CELF2: variants seen among roughly 807,000 people sequenced by gnomAD.
The protein encoded by CELF2 is CUGBP Elav-like family member 2.
Under a neutral mutation model 62.6 loss-of-function variants are expected in CELF2, and 8 were observed. The ratio of observed to expected loss-of-function variants is 0.13; its 90% CI spans 0.07 to 0.23. The LOEUF (loss-of-function observed/expected upper bound fraction) is 0.23. CELF2 is among the 10% of genes least tolerant of loss of function. The pLI is 1.00. For missense variants in CELF2, 333 were observed against 671.0 expected, an observed-to-expected ratio of 0.50 and a Z score of 5.56; for synonymous variants, 258 against 250.0, an observed-to-expected ratio of 1.03 and a Z score of -0.30.
intron 1 of CELF2, among the ~76,000 whole-genome samples, chr10:11,080,026 A>G (rs570088036): frequency 5.3e-4 from 80 of 152,374 alleles, no homozygotes; most frequent in African/African-American, 1.8e-3. Context: ...TCTCCGGTTT[A>G]TAAATGTTTT....
chr10:10,861,744 T>G (rs964358753), intron 1 of CELF2, among the ~76,000 whole-genome samples: 1 of 152,220 alleles, frequency 6.6e-6, no homozygotes, highest in Non-Finnish European at 1.5e-5. Context: ...AGTTTATCTC[T>G]TGAAAATTCT....
intron 1 of CELF2, among the ~76,000 whole-genome samples, chr10:11,162,040 GATGA>G: frequency 6.6e-6 from 1 of 152,188 alleles, no homozygotes; most frequent in African/African-American, 2.4e-5. Flanking sequence ...CATTTGGGTG[GATGA>G]GAAGGGAGTA....
rs140988272 is a variant in CELF2, at chr10:11,148,444, T to C, written c.75-17042T>C. 1.4e-3 allele frequency among the ~76,000 whole-genome samples: 213 copies of C among 152,298 alleles called. 1 individual carries two copies. Among genetic ancestry groups the C allele is most frequent in the African/African-American group, 5.0e-3 (207 of 41,564 alleles). The stretch of plus-strand genomic sequence containing the variant: ...GCTTTTTTCTCCTATCTTTAACCAA[T>C]AGAAATACAGGGCTGTAAATAATTG... On this transcript the variant is annotated intron_variant, in intron 1 of 12. Coordinates refer to ENST00000633077, the MANE Select transcript of CELF2 (RefSeq NM_001326342.2).
chr10:10,634,852 G>A, the CELF2 span, among the ~76,000 whole-genome samples: 8 of 152,000 alleles, frequency 5.3e-5, no homozygotes, highest in African/African-American at 1.9e-4. Context: ...TAGTAGAGAC[G>A]GGGTTTCCCC....
chr10:10,518,962 GA>G, the CELF2 span, among the ~76,000 whole-genome samples: 2 of 152,176 alleles, frequency 1.3e-5, no homozygotes, highest in African/African-American at 4.8e-5. Context: ...AAAGAATCAG[GA>G]AGGGAATGAA....
chr10:10,571,859 G>A, the CELF2 span, among the ~76,000 whole-genome samples: 1 of 152,122 alleles, frequency 6.6e-6, no homozygotes, highest in Admixed American at 6.5e-5. Flanking sequence ...TGAGATGAGC[G>A]TAGGAATGAG....
chr10:11,021,000 G>A (rs939807579), intron 1 of CELF2, among the ~76,000 whole-genome samples: 1 of 152,160 alleles, frequency 6.6e-6, no homozygotes, highest in African/African-American at 2.4e-5. Context: ...TAGCCACACA[G>A]CATAATGAAA....
the CELF2 span, among the ~76,000 whole-genome samples, chr10:10,533,808 G>A: frequency 5.3e-5 from 8 of 152,188 alleles, 1 homozygote; most frequent in African/African-American, 1.9e-4. Flanking sequence ...AAGATTGACG[G>A]CAAGTAGTAG....
At chr10:11,026,130 A>G (rs1464233090) in intron 1 of CELF2, among the ~76,000 whole-genome samples, 3 of 152,226 alleles carry the variant, frequency 2.0e-5, no homozygotes, top group Non-Finnish European at 4.4e-5. Flanking sequence ...CTTGTTATGC[A>G]GACACATACG....
the CELF2 span, among the ~76,000 whole-genome samples, chr10:10,523,895 C>T: frequency 6.6e-6 from 1 of 152,166 alleles, no homozygotes; most frequent in Admixed American, 6.5e-5. Context: ...TCACTCAAAA[C>T]AACGAGAGCA....
chr10:10,554,050 T>G, the CELF2 span, among the ~76,000 whole-genome samples: 5 of 152,104 alleles, frequency 3.3e-5, no homozygotes, highest in African/African-American at 1.2e-4. Context: ...GATGGAAAAC[T>G]GGGAGCCATT....
At chr10:10,741,130 T>C in the CELF2 span, among the ~76,000 whole-genome samples, 1 of 152,236 alleles carries the variant, frequency 6.6e-6, no homozygotes, top group Non-Finnish European at 1.5e-5. Flanking sequence ...GATATGTTCA[T>C]TTGTTTACCT....
Position 10,931,399 on chromosome 10 carries a change from G to A in CELF2, c.89+11400G>A, listed in dbSNP as rs2066044392. Among the ~76,000 whole-genome samples, 1 of 152,090 alleles carries A rather than the reference G, an allele frequency of 6.6e-6. No homozygotes were observed. The highest frequency in any genetic ancestry group is 1.5e-5 in the Non-Finnish European group (1 of 68,024). On this transcript the variant is annotated intron_variant, in intron 2 of 13. Coordinates refer to the CELF2 transcript ENST00000636488. The surrounding 1 kb of genome is among the most constrained non-coding windows in gnomAD (Gnocchi z 6.1). ...GTGTAACTTTAAGGAATAATGCCAA[G>A]CTCCATAAAGGATTCTAAAGAGAAA...
intron 3 of CELF2, among the ~76,000 whole-genome samples, chr10:11,225,637 C>A (rs2066274391): frequency 6.6e-6 from 1 of 152,164 alleles, no homozygotes; most frequent in Non-Finnish European, 1.5e-5. Flanking sequence ...CATAATTTTT[C>A]CACCGGGAAA....
At chr10:10,512,297 A>T in the CELF2 span, among the ~76,000 whole-genome samples, 1 of 152,084 alleles carries the variant, frequency 6.6e-6, no homozygotes, top group Non-Finnish European at 1.5e-5. Context: ...ACATGTCAAC[A>T]GTACCATACC....
At chr10:11,295,705 G>T (rs1473009717) in intron 9 of CELF2, among the ~76,000 whole-genome samples, 2 of 152,222 alleles carry the variant, frequency 1.3e-5, no homozygotes, top group Admixed American at 1.3e-4. Flanking sequence ...AAACCAGGTG[G>T]TTTGAAAGTT....
At chr10:10,840,292 T>G (rs2058593065) in intron 1 of CELF2, among the ~76,000 whole-genome samples, 1 of 152,240 alleles carries the variant, frequency 6.6e-6, no homozygotes, top group Admixed American at 6.5e-5. Flanking sequence ...GCAAACTGTC[T>G]TCCAAAGTGG....
chr10:11,231,690 C>CTTTT (rs369230271), intron 3 of CELF2, among the ~76,000 whole-genome samples: 1 of 131,274 alleles, frequency 7.6e-6, no homozygotes, highest in Non-Finnish European at 1.7e-5. Context: ...TGGTTGCTTT[C>CTTTT]TTTTTTTTTT....
At position 10,995,410 on chromosome 10, in the gene CELF2, C is replaced by T. The variant is rs1200707000; in HGVS notation, c.89+75411C>T. ...CTTGGTGCTTGATATTTAAGCTCAG[C>T]CCTGAAGGATACACAGAAATAAACC... On this transcript the variant is annotated intron_variant, in intron 2 of 13. Coordinates refer to the CELF2 transcript ENST00000636488. The surrounding 1 kb of genome is among the most constrained non-coding windows in gnomAD (Gnocchi z 4.7). Among the ~76,000 whole-genome samples the T allele has an allele frequency of 2.6e-5, 4 of 152,104 alleles. No homozygotes were observed. Among genetic ancestry groups the T allele is most frequent in the Admixed American group, 1.3e-4 (2 of 15,260 alleles).
Sources: allele counts gnomAD v4.1 joint callset (sites outside exome capture counted in the v4.1 genomes callset), GRCh38; gene constraint gnomAD v4.1.1; non-coding constraint Gnocchi (gnomAD v3.1); transcripts MANE v1.5; gene names NCBI Gene and HGNC (gene_info 2026-07-23, HGNC 2026-07-21).